The following EHBP1 variants were observed in gnomAD, a reference collection of about 807,000 sequenced individuals.
The protein encoded by EHBP1 is EH domain-binding protein 1.
Under a neutral mutation model 144.0 loss-of-function variants are expected in EHBP1, and 55 were observed. The observed-to-expected ratio is 0.38, with a 90% confidence interval of 0.31 to 0.48. The LOEUF is 0.48. Ranked by LOEUF, EHBP1 falls within the 20% of genes least tolerant of loss-of-function variation. EHBP1 has a pLI of 0.98. For synonymous variants in EHBP1, 469 were observed against 472.7 expected (o/e 0.99, Z 0.10); for missense variants, 1,200 against 1,364.2 (o/e 0.88, Z 1.90).
At chr2:62,809,561 T>A (rs1021126668) in intron 5 of EHBP1, among the ~76,000 whole-genome samples, 4 of 152,142 alleles carry the variant, frequency 2.6e-5, no homozygotes, top group African/African-American at 7.2e-5. Context: ...GTTGCATGGG[T>A]AGATTGTGTG....
chr2:62,982,723 T>C (rs2059024691), intron 15 of EHBP1, among the ~76,000 whole-genome samples: 1 of 152,066 alleles, frequency 6.6e-6, no homozygotes, highest in African/African-American at 2.4e-5. Flanking sequence ...CATAACAAGG[T>C]GGATGCACAG....
At chr2:62,778,897 G>T (rs1352843661) in intron 5 of EHBP1, among the ~76,000 whole-genome samples, 1 of 151,712 alleles carries the variant, frequency 6.6e-6, no homozygotes, top group Non-Finnish European at 1.5e-5. Flanking sequence ...CTCAATCAAG[G>T]CATCTCACTT....
intron 10 of EHBP1, among the ~76,000 whole-genome samples, chr2:62,904,583 C>G (rs890739428): frequency 3.3e-5 from 5 of 152,140 alleles, no homozygotes; most frequent in African/African-American, 1.2e-4. Context: ...TGAGGATTAT[C>G]AAGGTCCCTT....
chr2:63,028,801 T>G (rs911330532), intron 19 of EHBP1, among the ~76,000 whole-genome samples: 1 of 152,040 alleles, frequency 6.6e-6, no homozygotes, highest in Non-Finnish European at 1.5e-5. Context: ...AATAAGCTAT[T>G]TCATCTACAC....
chr2:62,946,047 C>G (rs2057047371), intron 12 of EHBP1, among the ~76,000 whole-genome samples: 1 of 152,076 alleles, frequency 6.6e-6, no homozygotes, highest in Non-Finnish European at 1.5e-5. Context: ...AGTGCTTTAC[C>G]TCCATTTTCT....
chr2:63,020,298 T>C (rs1489386261), intron 19 of EHBP1, among the ~76,000 whole-genome samples: 4 of 137,908 alleles, frequency 2.9e-5, no homozygotes, highest in African/African-American at 1.1e-4. Flanking sequence ...CACGCCAGCC[T>C]GTGCAACAGA....
chr2:63,008,484 G>A (rs2060133679), intron 19 of EHBP1, among the ~76,000 whole-genome samples: 2 of 150,950 alleles, frequency 1.3e-5, no homozygotes, highest in Non-Finnish European at 1.5e-5. Context: ...AAAGTTTAGT[G>A]TATCTGTTTT....
intron 15 of EHBP1, among the ~76,000 whole-genome samples, chr2:62,979,969 G>C (rs2058888990): frequency 2.0e-5 from 3 of 152,130 alleles, no homozygotes; most frequent in African/African-American, 7.2e-5. Context: ...ACATTTTTAA[G>C]AGAGGTATAT....
chr2:62,992,510 T>A (rs961388155), intron 16 of EHBP1, among the ~76,000 whole-genome samples: 5 of 152,210 alleles, frequency 3.3e-5, no homozygotes, highest in African/African-American at 1.2e-4. Context: ...ATGATTCCTT[T>A]TAGTTAAGAT....
chr2:62,720,980 C>T (rs888563833), intron 2 of EHBP1, among the ~76,000 whole-genome samples: 3 of 151,974 alleles, frequency 2.0e-5, no homozygotes, highest in Non-Finnish European at 4.4e-5. Context: ...ATAAATTTAC[C>T]ATTGTCATTT....
intron 5 of EHBP1, among the ~76,000 whole-genome samples, chr2:62,802,283 C>T (rs1175524609): frequency 6.6e-6 from 1 of 152,124 alleles, no homozygotes; most frequent in African/African-American, 2.4e-5. Context: ...TTTTGAGAGT[C>T]ATGTCTTGCT....
At chr2:62,895,935 A>T (rs1012104174) in intron 10 of EHBP1, among the ~76,000 whole-genome samples, 1 of 152,196 alleles carries the variant, frequency 6.6e-6, no homozygotes, top group Non-Finnish European at 1.5e-5. Flanking sequence ...ACTGAACTGT[A>T]TGCTTAACAA....
intron 7 of EHBP1, among the ~76,000 whole-genome samples, chr2:62,854,925 G>A (rs529957142): frequency 1.2e-4 from 19 of 152,278 alleles, no homozygotes; most frequent in South Asian, 2.1e-4. Flanking sequence ...TGCCCAAGCC[G>A]TGCTGCAGAC....
intron 3 of EHBP1, among the ~76,000 whole-genome samples, chr2:62,754,500 C>G (rs886488925): frequency 6.6e-6 from 1 of 152,172 alleles, no homozygotes; most frequent in African/African-American, 2.4e-5. Context: ...GCTAGGAGAA[C>G]CACTACTCTC....
At chr2:62,916,719 T>G (rs2054643513) in intron 10 of EHBP1, among the ~76,000 whole-genome samples, 1 of 149,758 alleles carries the variant, frequency 6.7e-6, no homozygotes, top group African/African-American at 2.4e-5. Flanking sequence ...ATAAATAATT[T>G]TATAATGTGT....
chr2:62,746,010 A>G (rs2039117049), intron 2 of EHBP1, among the ~76,000 whole-genome samples: 1 of 152,082 alleles, frequency 6.6e-6, no homozygotes, highest in Admixed American at 6.6e-5. Flanking sequence ...TTCAGAGTTG[A>G]AATTGTGCTG....
intron 16 of EHBP1, 105 bp from the exon 17 acceptor site, chr2:62,993,425 T>G: frequency 9.3e-7 from 1 of 1,073,438 alleles, no homozygotes; most frequent in Non-Finnish European, 1.3e-6. Context: ...TTGCAAAAAG[T>G]TTCTAAATCA....
chr2:63,043,263 G>C (rs1385925701), intron 21 of EHBP1, among the ~76,000 whole-genome samples: 4 of 152,090 alleles, frequency 2.6e-5, no homozygotes, highest in Non-Finnish European at 5.9e-5. Context: ...GAATAAAATT[G>C]TGATATATAT....
chr2:62,959,279 A>G (rs1256527576), intron 14 of EHBP1, among the ~76,000 whole-genome samples: 1 of 152,162 alleles, frequency 6.6e-6, no homozygotes, highest in Non-Finnish European at 1.5e-5. Flanking sequence ...TCATCTGTCA[A>G]TAGACATTTA....
Sources: allele counts gnomAD v4.1 joint callset (sites outside exome capture counted in the v4.1 genomes callset), GRCh38; gene constraint gnomAD v4.1.1; transcripts MANE v1.5; gene names NCBI Gene and HGNC (gene_info 2026-07-23, HGNC 2026-07-21).